The following NELFCD variants were observed in gnomAD, a reference collection of about 807,000 sequenced individuals.
NELFCD encodes negative elongation factor complex member C/D, also known as negative elongation factor C/D.
NELFCD carries 48 observed loss-of-function variants against 72.9 expected under a neutral mutation model. That is an observed-to-expected ratio of 0.66 (90% CI 0.52 to 0.84). NELFCD has a LOEUF of 0.84. Ranked by LOEUF, NELFCD falls within the 40% of genes least tolerant of loss-of-function variation. NELFCD has a pLI of 0.00. For missense variants in NELFCD, 538 were observed against 723.8 expected (o/e 0.74, Z 2.94); for synonymous variants, 297 against 280.6 (o/e 1.06, Z -0.59).
At position 58,994,751 on chromosome 20, in the gene NELFCD, T is replaced by TA; in HGVS notation, c.*77dup. The stretch of plus-strand genomic sequence containing the variant: ...GAAAAACCCTTTCAAGAAGCTGTTT[T>TA]AAGAGGCTCGGGCAGCGTCTTGAAA... On this transcript the variant is annotated 3_prime_UTR_variant, in exon 15 of 15. Transcript: ENST00000652272. The TA allele has an allele frequency of 1.5e-6, 2 of 1,307,572 alleles. No homozygotes were observed. Among genetic ancestry groups the TA allele is most frequent in the Non-Finnish European group, 2.2e-6 (2 of 908,878 alleles). 81.0% of individuals were successfully genotyped at this position (1,307,572 alleles called of 1,614,324 possible).
chr20:58,991,492 T>C (rs762615019), intron 9 of NELFCD, 46 bp downstream of exon 9: 11 of 1,609,624 alleles, frequency 6.8e-6, no homozygotes, highest in Middle Eastern at 1.7e-4. Flanking sequence ...GAGACAAATA[T>C]CCTCCTCTGC....
At chr20:58,985,787 A>G (rs2050489741) in intron 1 of NELFCD, among the ~76,000 whole-genome samples, 1 of 152,196 alleles carries the variant, frequency 6.6e-6, no homozygotes, top group South Asian at 2.1e-4. Context: ...AAATGGGAAT[A>G]GGCGTTATTA....
chr20:58,986,794 C>T lies in NELFCD; in HGVS notation c.217C>T (p.Leu73Phe). Residue 73 changes from leucine (L) to phenylalanine (F), a missense_variant, in exon 3 of 15, where the codon CTC becomes TTC. Physicochemically the swap from Leu to Phe is conservative, Grantham distance 22. This residue lies in a region of NELFCD where 355 missense variants were observed against 534.5 expected (regional missense o/e 0.66). Coordinates refer to ENST00000652272, the MANE Select transcript of NELFCD (RefSeq NM_198976.4). The surrounding 1 kb of genome is among the most constrained non-coding windows in gnomAD (Gnocchi z 4.4). ...AGGGTCTCCAGAGAATGTTATCCAG[C>T]TCTTATCTGAAAACTACACCGCTGT... ...AGGSPENVIQ[L>F]LSENYTAVAQ... The T allele has an allele frequency of 6.2e-7, 1 of 1,614,010 alleles. No individual in the cohort carries two copies. The highest frequency in any genetic ancestry group is 1.1e-5 in the South Asian group (1 of 91,070).
In NELFCD at chr20:58,993,795, A is replaced by T. The variant is rs754614150; in HGVS notation, c.1581+31A>T. 6.2e-7 allele frequency: 1 copy of T among 1,611,368 alleles called. No homozygotes were observed. Among genetic ancestry groups the T allele is most frequent in the South Asian group, 1.1e-5 (1 of 90,868 alleles). ...CAATGCACCGTTGGTTTCATGTTTC[A>T]TACTGTTTACACTAGCACTGCCCTT... On this transcript the variant is annotated intron_variant, in intron 13 of 14. Transcript: ENST00000652272. This position sits in a 1 kb window ranked among gnomAD's most constrained non-coding sequence, Gnocchi z 5.0.
chr20:58,988,070 C>G (rs1297733575), intron 4 of NELFCD: 1 of 470,708 alleles, frequency 2.1e-6, no homozygotes, highest in Non-Finnish European at 3.8e-6. Context: ...CATTTCCCCT[C>G]TCAGGCTGAC....
At chr20:58,983,722 G>A (rs920651505) in intron 1 of NELFCD, among the ~76,000 whole-genome samples, 1 of 152,120 alleles carries the variant, frequency 6.6e-6, no homozygotes, top group African/African-American at 2.4e-5. Context: ...TACCGTGCCC[G>A]GCCTCACCTT....
intron 7 of NELFCD, 44 bp downstream of exon 7, chr20:58,990,032 C>T: frequency 1.3e-6 from 2 of 1,596,768 alleles, no homozygotes; most frequent in Non-Finnish European, 1.7e-6. Context: ...CCTAGTGCTC[C>T]CCACAAAACC....
chr20:58,990,813 A>G, intron 7 of NELFCD, 97 bp from the exon 8 acceptor site: 1 of 1,123,934 alleles, frequency 8.9e-7, no homozygotes, highest in Admixed American at 2.3e-5. Context: ...ATGACAGAAA[A>G]ACAGATCCCA....
At chr20:58,994,295 G>T in intron 14 of NELFCD, 56 bp downstream of exon 14, 1 of 1,583,766 alleles carries the variant, frequency 6.3e-7, no homozygotes. Context: ...TGGGCGCGGT[G>T]GCTCATGCCT....
Position 58,992,979 on chromosome 20 carries a change from C to T in NELFCD, c.1230-19C>T, listed in dbSNP as rs762674747. 1.2e-5 allele frequency: 19 copies of T among 1,552,536 alleles called. No individual in the cohort carries two copies. The highest frequency in any genetic ancestry group is 1.7e-5 in the Non-Finnish European group (19 of 1,124,596). ...GTTTTAAATTGTTTTTTAAAGGAAG[C>T]ATTCTGCCTTAACTGTAGGTTTCCA... On this transcript the variant is annotated intron_variant, in intron 10 of 14. Transcript: ENST00000652272.
intron 1 of NELFCD, among the ~76,000 whole-genome samples, chr20:58,982,206 G>T (rs1469803219): frequency 1.5e-5 from 2 of 136,920 alleles, no homozygotes; most frequent in African/African-American, 5.5e-5. Flanking sequence ...GCCCAGGCTG[G>T]AGTGTAATGG....
In NELFCD at chr20:58,991,066, G is replaced by T. The variant is rs372830513; in HGVS notation, c.945G>T (p.Pro315=). 1.2e-6 allele frequency: 2 copies of T among 1,612,938 alleles called. No homozygotes were observed. The highest frequency in any genetic ancestry group is 4.5e-5 in the East Asian group (2 of 44,884). ...FKMFTSMDPP[P]VELIRVPAFL... is the part of the protein sequence containing the mutation. ...TGTTCACAAGCATGGACCCTCCTCC[G>T]GTTGAACTTGTAAGTTGCTTCTCAA... The change falls in exon 8 of 15, where the codon CCG becomes CCT. Residue 315 remains proline (P), a synonymous_variant. Transcript: ENST00000652272.
At position 58,993,475 on chromosome 20, in the gene NELFCD, C is replaced by A. The variant is rs139324271; in HGVS notation, c.1371C>A (p.His457Gln). The part of the protein sequence containing the change: ...DEISTCHQLL[H>Q]PQVLQLLVKL... ...TCAGCACCTGCCACCAGCTCCTGCACCCCCAGGTCCTGCAGCTGCTTGTTA... is the reference window on the plus strand; with the variant it reads ...TCAGCACCTGCCACCAGCTCCTGCAACCCCAGGTCCTGCAGCTGCTTGTTA... The change falls in exon 12 of 15, where the codon CAC (histidine) becomes CAA (glutamine). Residue 457 changes from histidine to glutamine, a missense_variant. Around this residue, in one of 3 missense-constraint regions of NELFCD, gnomAD observed 136 missense variants for 154.0 expected, o/e 0.88. Coordinates refer to ENST00000652272, the MANE Select transcript of NELFCD (RefSeq NM_198976.4). This position sits in a 1 kb window ranked among gnomAD's most constrained non-coding sequence, Gnocchi z 5.0. 4 of 1,614,048 alleles carry A rather than the reference C, an allele frequency of 2.5e-6. No individual in the cohort carries two copies. Among genetic ancestry groups the A allele is most frequent in the Non-Finnish European group, 3.4e-6 (4 of 1,180,040 alleles).
chr20:58,990,085 T>C, intron 7 of NELFCD, 97 bp downstream of exon 7: 1 of 1,505,436 alleles, frequency 6.6e-7, no homozygotes, highest in Non-Finnish European at 9.0e-7. Context: ...GCTAGCTCCT[T>C]CTGTTCAACG....
chr20:58,993,748 GC>G lies in NELFCD; in HGVS notation c.1566del (p.Tyr523IlefsTer44). On this transcript the variant is annotated frameshift_variant, in exon 13 of 15. Coordinates refer to ENST00000652272, the MANE Select transcript of NELFCD (RefSeq NM_198976.4). LOFTEE classifies it high-confidence loss of function. This position sits in a 1 kb window ranked among gnomAD's most constrained non-coding sequence, Gnocchi z 5.0. ...CTGGACACTGACATTTCACTCATTC[GC>G]TATTTTGTCACTGAGGTCAGCAATG... ...EKLDTDISLIRYFVTEVLDVI... is the reference protein window; with the variant it reads ...EKLDTDISLIXYFVTEVLDVI... The G allele has an allele frequency of 6.2e-7, 1 of 1,614,126 alleles. No individual in the cohort carries two copies. Among genetic ancestry groups the G allele is most frequent in the Non-Finnish European group, 8.5e-7 (1 of 1,180,000 alleles).
intron 7 of NELFCD, 95 bp downstream of exon 7, chr20:58,990,083 C>T (rs1370246510): frequency 1.3e-6 from 2 of 1,513,770 alleles, no homozygotes; most frequent in South Asian, 1.2e-5. Flanking sequence ...CTGCTAGCTC[C>T]TTCTGTTCAA....
Position 58,987,523 on chromosome 20 carries a change from C to T in NELFCD, c.287-185C>T, listed in dbSNP as rs1252180807. The T allele has an allele frequency of 1.0e-5, 6 of 596,934 alleles. No homozygotes were observed. The South Asian group carries it at 1.0e-4, about 10-fold the overall frequency. 37.0% of individuals were successfully genotyped at this position (596,934 alleles called of 1,614,324 possible). ...GTGGACCAGACTTGTGTGTTCTGTTCTGTGCTGCTTTTTGGTCTTATCATT... is the reference window on the plus strand; with the variant it reads ...GTGGACCAGACTTGTGTGTTCTGTTTTGTGCTGCTTTTTGGTCTTATCATT... On this transcript the variant is annotated intron_variant, in intron 3 of 14. Transcript: ENST00000652272.
Position 58,995,070 on chromosome 20 carries a change from C to A in NELFCD, c.*394C>A. 1 of 200,348 alleles carries A rather than the reference C, an allele frequency of 5.0e-6. No individual in the cohort carries two copies. Among genetic ancestry groups the A allele is most frequent in the East Asian group, 1.3e-4 (1 of 7,860 alleles). The allele number at this position is 200,348 out of a possible 1,614,324, so 12.4% of individuals were successfully genotyped here. A position where few individuals can be genotyped will look rare whatever the true frequency, so the allele number is the denominator to read the frequency against. On this transcript the variant is annotated 3_prime_UTR_variant, in exon 15 of 15. Coordinates refer to ENST00000652272, the MANE Select transcript of NELFCD (RefSeq NM_198976.4). ...TTAGCTGATGTTTTATTGTAATTGT[C>A]TTAATTTGCTAAGAACAAGTAATAA...
intron 1 of NELFCD, 25 bp downstream of exon 1, chr20:58,981,394 C>G (rs2091730699): frequency 9.8e-7 from 1 of 1,018,276 alleles, no homozygotes; most frequent in Non-Finnish European, 1.2e-6. Context: ...TGGGCGCACC[C>G]TAGAGAGAAT....
Sources: allele counts gnomAD v4.1 joint callset (sites outside exome capture counted in the v4.1 genomes callset), GRCh38; gene constraint gnomAD v4.1.1; regional missense constraint gnomAD v4.1.1; non-coding constraint Gnocchi (gnomAD v3.1); transcripts MANE v1.5; gene names NCBI Gene and HGNC (gene_info 2026-07-23, HGNC 2026-07-21).